CRACR2A: variants seen among roughly 807,000 people sequenced by gnomAD.
CRACR2A encodes the protein EF-hand calcium-binding domain-containing protein 4B.
A neutral mutation model predicts 90.5 loss-of-function variants in CRACR2A; 79 were observed. That is an observed-to-expected ratio of 0.87 (90% CI 0.73 to 1.05). The LOEUF (loss-of-function observed/expected upper bound fraction) is 1.05, where lower values mean the gene tolerates loss of function less well. Among genes scored for constraint, CRACR2A ranks in the 50% least tolerant of loss-of-function variants. CRACR2A has a pLI of 0.00. For missense variants in CRACR2A, 823 were observed against 897.2 expected (o/e 0.92, Z 1.06); for synonymous variants, 338 against 356.7 (o/e 0.95, Z 0.59).
At position 3,641,817 on chromosome 12, in the gene CRACR2A, TTGCCTTGGC is replaced by T. The variant is rs752367998; in HGVS notation, c.1177_1185del (p.Ala393_Ala395del). Reference sequence around the variant, plus strand: ...CAACTTGCCCTGGAAGCAGCTGTGTTTGCCTTGGCTGCCTTATTTTTCTGTAGAAACACA... The same window carrying T: ...CAACTTGCCCTGGAAGCAGCTGTGTTTGCCTTATTTTTCTGTAGAAACACA... On this transcript the variant is annotated inframe_deletion, in exon 13 of 20. Transcript: ENST00000440314. 344 of 1,551,586 alleles carry T rather than the reference TTGCCTTGGC, an allele frequency of 2.2e-4. 1 individual carries two copies. The highest frequency in any genetic ancestry group is 2.7e-4 in the Non-Finnish European group (311 of 1,146,982).
chr12:3,651,056 G>A (rs919264317), intron 10 of CRACR2A, among the ~76,000 whole-genome samples: 25 of 152,196 alleles, frequency 1.6e-4, no homozygotes, highest in African/African-American at 5.5e-4. Context: ...GTGTATACAT[G>A]GGTAATATGT....
chr12:3,695,973 A>G (rs961852372), intron 4 of CRACR2A, among the ~76,000 whole-genome samples: 2 of 152,268 alleles, frequency 1.3e-5, no homozygotes, highest in Non-Finnish European at 2.9e-5. Flanking sequence ...TGGTGTGGCT[A>G]GTGAGTTAAG....
chr12:3,694,346 C>G (rs931963325), intron 4 of CRACR2A, among the ~76,000 whole-genome samples: 1 of 152,250 alleles, frequency 6.6e-6, no homozygotes, highest in Admixed American at 6.5e-5. Flanking sequence ...CCCACATGGC[C>G]TGCAGCCTCT....
At chr12:3,708,008 C>T (rs1419578124) in intron 3 of CRACR2A, among the ~76,000 whole-genome samples, 1 of 152,122 alleles carries the variant, frequency 6.6e-6, no homozygotes, top group Non-Finnish European at 1.5e-5. Flanking sequence ...GCTGCAGATC[C>T]GTTATCAAGG....
intron 15 of CRACR2A, among the ~76,000 whole-genome samples, chr12:3,629,365 T>A (rs1454734828): frequency 6.6e-6 from 1 of 152,142 alleles, no homozygotes; most frequent in Non-Finnish European, 1.5e-5. Context: ...CAAAACAGAT[T>A]ACAGTGGCTG....
At chr12:3,703,015 T>C (rs1199496154) in intron 3 of CRACR2A, among the ~76,000 whole-genome samples, 1 of 152,228 alleles carries the variant, frequency 6.6e-6, no homozygotes, top group South Asian at 2.1e-4. Flanking sequence ...TTGGCAAAGA[T>C]GCAAGGCAAT....
intron 10 of CRACR2A, 79 bp downstream of exon 10, chr12:3,654,133 T>C (rs1944851394): frequency 3.9e-6 from 6 of 1,528,738 alleles, no homozygotes; most frequent in Non-Finnish European, 5.3e-6. Flanking sequence ...AGACAGGGTC[T>C]CTGAGCGGCG....
At chr12:3,629,018 G>A (rs958381420) in intron 15 of CRACR2A, among the ~76,000 whole-genome samples, 4 of 152,134 alleles carry the variant, frequency 2.6e-5, no homozygotes, top group Non-Finnish European at 4.4e-5. Flanking sequence ...AATCGTCTGC[G>A]CTGAGAAAGT....
intron 7 of CRACR2A, 126 bp downstream of exon 7, chr12:3,673,320 C>T: frequency 8.4e-7 from 1 of 1,194,214 alleles, no homozygotes; most frequent in Non-Finnish European, 1.2e-6. Flanking sequence ...GGCCTGGTCC[C>T]CACTTTGGCA....
chr12:3,673,675 A>T (rs1945292340), intron 6 of CRACR2A, 83 bp from the exon 7 acceptor site: 1 of 1,512,534 alleles, frequency 6.6e-7, no homozygotes, highest in South Asian at 1.3e-5. Flanking sequence ...GGAAACTGAC[A>T]GCCAGAAACA....
intron 1 of CRACR2A, among the ~76,000 whole-genome samples, chr12:3,750,523 C>A (rs189610217): frequency 1.3e-5 from 2 of 152,328 alleles, no homozygotes; most frequent in East Asian, 1.9e-4. Flanking sequence ...GCAATTACAT[C>A]TTTTAGCTCT....
intron 2 of CRACR2A, chr12:3,730,051 A>G (rs1407221153): frequency 2.0e-5 from 3 of 152,256 alleles, no homozygotes; most frequent in Non-Finnish European, 4.4e-5. Context: ...GAAAGCCTGG[A>G]CATGGCAAGG....
intron 10 of CRACR2A, among the ~76,000 whole-genome samples, chr12:3,651,311 G>A (rs1944790644): frequency 1.3e-5 from 2 of 152,236 alleles, no homozygotes; most frequent in African/African-American, 4.8e-5. Context: ...GCACATATAT[G>A]TGCCTGTGCC....
chr12:3,641,988 C>A lies in CRACR2A; in HGVS notation c.1165-150G>T, dbSNP rs1382045728. Reference sequence around the variant, plus strand: ...TTCTGGTCTCCCTGTTAGCGTCTAGCCACTCTTCCCTTTTGCCATCATCCC... The same window carrying A: ...TTCTGGTCTCCCTGTTAGCGTCTAGACACTCTTCCCTTTTGCCATCATCCC... On this transcript the variant is annotated intron_variant, in intron 12 of 19. Coordinates refer to ENST00000440314, the MANE Select transcript of CRACR2A (RefSeq NM_001144958.2). 4.5e-5 allele frequency: 30 copies of A among 665,904 alleles called. No individual in the cohort carries two copies. In the Admixed American group the frequency reaches 7.7e-4, roughly 17 times the overall value. 41.2% of individuals were successfully genotyped at this position (665,904 alleles called of 1,614,324 possible). A position where few individuals can be genotyped will look rare whatever the true frequency, so the allele number is the denominator to read the frequency against.
At chr12:3,714,919 T>G (rs1946060423) in intron 2 of CRACR2A, among the ~76,000 whole-genome samples, 1 of 152,354 alleles carries the variant, frequency 6.6e-6, no homozygotes, top group East Asian at 1.9e-4. Context: ...TGCCTGACCC[T>G]CAGGTCCCTG....
At chr12:3,654,084 A>T in intron 10 of CRACR2A, 128 bp downstream of exon 10, 1 of 1,026,506 alleles carries the variant, frequency 9.7e-7, no homozygotes, top group Non-Finnish European at 1.4e-6. Context: ...GAAGAGTCTC[A>T]GGGAGCAACA....
chr12:3,726,166 T>C (rs1257171744), intron 2 of CRACR2A: 2 of 151,942 alleles, frequency 1.3e-5, no homozygotes, highest in Non-Finnish European at 2.9e-5. Context: ...GAAATGTGAT[T>C]AATATATATA....
intron 7 of CRACR2A, among the ~76,000 whole-genome samples, chr12:3,665,227 C>T (rs1343990638): frequency 6.6e-6 from 1 of 152,182 alleles, no homozygotes; most frequent in Non-Finnish European, 1.5e-5. Context: ...GTCATGAGCA[C>T]TAATATTTAT....
In CRACR2A at chr12:3,680,249, G is replaced by C. The variant is rs779822961; in HGVS notation, c.329C>G (p.Thr110Ser). 1 of 1,614,004 alleles carries C rather than the reference G, an allele frequency of 6.2e-7. No individual in the cohort carries two copies. The highest frequency in any genetic ancestry group is 1.1e-5 in the South Asian group (1 of 91,078). Residue 110 changes from threonine to serine, a missense_variant, in exon 5 of 20, where the codon ACT (threonine) becomes AGT (serine). Transcript: ENST00000440314. Reference protein sequence around the residue: ...GNGYLTPQEFTTGFSHFFFSQ... With the variant: ...GNGYLTPQEFSTGFSHFFFSQ... ...CCATCAGAACTTACTAAATCCAGTA[G>C]TGAACTCCTGTGGGGTCAGATAGCC...
Sources: allele counts gnomAD v4.1 joint callset (sites outside exome capture counted in the v4.1 genomes callset), GRCh38; gene constraint gnomAD v4.1.1; transcripts MANE v1.5; gene names NCBI Gene and HGNC (gene_info 2026-07-23, HGNC 2026-07-21).